The following LSM14B variants were observed in gnomAD, a reference collection of about 807,000 sequenced individuals.
LSM14B encodes protein LSM14 homolog B.
A neutral mutation model predicts 42.1 loss-of-function variants in LSM14B; 8 were observed. The observed-to-expected ratio is 0.19, with a 90% CI of 0.11 to 0.34. The LOEUF (loss-of-function observed/expected upper bound fraction) is 0.34, where lower values mean the gene tolerates loss of function less well. Among genes scored for constraint, LSM14B ranks in the 10% least tolerant of loss-of-function variants. The pLI is 1.00. For missense variants in LSM14B, 396 were observed against 513.1 expected (o/e 0.77, Z 2.21); for synonymous variants, 219 against 209.7 (o/e 1.04, Z -0.38).
intron 2 of LSM14B, 146 bp from the exon 3 acceptor site, chr20:62,126,158 A>T (rs2056593915): frequency 2.6e-6 from 3 of 1,143,918 alleles, no homozygotes; most frequent in Non-Finnish European, 3.8e-6. Flanking sequence ...CATACTGGAA[A>T]CTTGCACCCC....
At position 62,122,541 on chromosome 20, in the gene LSM14B, C is replaced by G. The variant is rs2056430652; in HGVS notation, c.-126C>G. On this transcript the variant is annotated 5_prime_UTR_variant, in exon 1 of 9. Transcript: ENST00000279068. The surrounding 1 kb of genome is among the most constrained non-coding windows in gnomAD (Gnocchi z 4.6). ...CCCCTCGGGCGGTGGCGAGGAGGCG[C>G]CCAGGCGGAGGCGGCGGCGGGCGGA... is the stretch of plus-strand genomic sequence containing the variant. The G allele has an allele frequency of 1.4e-6, 1 of 703,666 alleles. No individual in the cohort carries two copies. The highest frequency in any genetic ancestry group is 1.9e-5 in the African/African-American group (1 of 51,376). The allele number at this position is 703,666 out of a possible 1,614,324, so 43.6% of individuals were successfully genotyped here.
Position 62,130,443 on chromosome 20 carries a change from G to C in LSM14B, c.674-87G>C, listed in dbSNP as rs1600940031. 8 of 1,554,836 alleles carry C rather than the reference G, an allele frequency of 5.1e-6. No homozygotes were observed. Among genetic ancestry groups the C allele is most frequent in the Non-Finnish European group, 6.1e-6 (7 of 1,146,076 alleles). On this transcript the variant is annotated intron_variant, in intron 5 of 8. Coordinates refer to ENST00000279068, the MANE Select transcript of LSM14B (RefSeq NM_144703.3). This position sits in a 1 kb window ranked among gnomAD's most constrained non-coding sequence, Gnocchi z 4.1. ...GTGCTCTGTTCCTTCTGTGGCCTTG[G>C]GGGTGTGCCTGGAAATTCCTTGTGA...
chr20:62,124,283 C>T (rs912265), intron 1 of LSM14B, among the ~76,000 whole-genome samples: 147,519 of 152,352 alleles, frequency 0.97, 71,630 homozygotes, highest in East Asian at 1. Context: ...CAGAGTCAAA[C>T]GTGAACAGGG....
Position 62,131,380 on chromosome 20 carries a change from A to G in LSM14B, c.860A>G (p.Glu287Gly), listed in dbSNP as rs2145634335. The change falls in exon 7 of 9, where the codon GAG becomes GGG. Residue 287 changes from glutamate (E) to glycine (G), a missense_variant. Glu to Gly is a moderately conservative substitution (Grantham distance 98, BLOSUM62 -2). Coordinates refer to ENST00000279068, the MANE Select transcript of LSM14B (RefSeq NM_144703.3). Reference sequence around the variant, plus strand: ...GATGACAAGGCTGAGAAGGGGGAAGAGAAGGACCTGGCTGTGGTGACCCAG... The same window carrying G: ...GATGACAAGGCTGAGAAGGGGGAAGGGAAGGACCTGGCTGTGGTGACCCAG... ...FKDDKAEKGE[E>G]KDLAVVTQSA... is the part of the protein sequence containing the mutation. 3.1e-6 allele frequency: 5 copies of G among 1,606,924 alleles called. No individual in the cohort carries two copies. Among genetic ancestry groups the G allele is most frequent in the Non-Finnish European group, 8.5e-7 (1 of 1,176,192 alleles).
Position 62,122,736 on chromosome 20 carries a change from T to C in LSM14B, c.70T>C (p.Tyr24His). The change falls in exon 1 of 9, where the codon TAC becomes CAC. Residue 24 changes from tyrosine (Y) to histidine (H), a missense_variant. Transcript: ENST00000279068. The surrounding 1 kb of genome is among the most constrained non-coding windows in gnomAD (Gnocchi z 4.6). ...CCTCATCTCCAAGGCGCAGATCCGCTACGAGGGCATTCTCTACACCATCGA... is the reference window on the plus strand; with the variant it reads ...CCTCATCTCCAAGGCGCAGATCCGCCACGAGGGCATTCTCTACACCATCGA... ...ISLISKAQIR[Y>H]EGILYTIDTD... The C allele has an allele frequency of 6.6e-7, 1 of 1,525,906 alleles. No homozygotes were observed. Among genetic ancestry groups the C allele is most frequent in the Admixed American group, 1.9e-5 (1 of 51,908 alleles). 94.5% of individuals were successfully genotyped at this position (1,525,906 alleles called of 1,614,324 possible). A position where few individuals can be genotyped will look rare whatever the true frequency, so the allele number is the denominator to read the frequency against.
chr20:62,124,889 T>TC, intron 2 of LSM14B, 109 bp downstream of exon 2: 1 of 1,249,678 alleles, frequency 8.0e-7, no homozygotes, highest in Non-Finnish European at 1.1e-6. Context: ...AACCTTTTTT[T>TC]TTTTTTCTTT....
Position 62,126,300 on chromosome 20 carries a change from T to A in LSM14B, c.292-4T>A. On this transcript the variant is annotated splice_region_variant and splice_polypyrimidine_tract_variant and intron_variant, in intron 2 of 8. Transcript: ENST00000279068. ...CCGTTCTCACCCGATGTCTCGTTGT[T>A]CAGTCTTCCCTGGGTTCTGCCTCCG... is the stretch of plus-strand genomic sequence containing the variant. 6.2e-7 allele frequency: 1 copy of A among 1,613,976 alleles called. No individual in the cohort carries two copies.
chr20:62,123,739 T>G (rs898182534), intron 1 of LSM14B, among the ~76,000 whole-genome samples: 2 of 152,218 alleles, frequency 1.3e-5, no homozygotes, highest in Non-Finnish European at 2.9e-5. Context: ...AAACGCTGCT[T>G]AGGTCACAGG....
intron 6 of LSM14B, 76 bp from the exon 7 acceptor site, chr20:62,131,280 C>G (rs2056758194): frequency 6.7e-7 from 1 of 1,499,296 alleles, no homozygotes; most frequent in African/African-American, 1.4e-5. Context: ...CCGAGTGAGC[C>G]CGGAGGGACC....
intron 2 of LSM14B, 114 bp from the exon 3 acceptor site, chr20:62,126,190 A>G (rs763921198): frequency 2.7e-6 from 4 of 1,508,180 alleles, no homozygotes; most frequent in South Asian, 2.4e-5. Flanking sequence ...CAGCATCTCA[A>G]GGGTGCAGGC....
intron 3 of LSM14B, chr20:62,127,680 C>T: frequency 6.4e-7 from 1 of 1,550,752 alleles, no homozygotes; most frequent in Admixed American, 2.0e-5. Flanking sequence ...GTCCTCAGAG[C>T]CACAGCAGCT....
At chr20:62,124,177 A>G (rs142021942) in intron 1 of LSM14B, among the ~76,000 whole-genome samples, 108 of 152,354 alleles carry the variant, frequency 7.1e-4, no homozygotes, top group Middle Eastern at 3.4e-3. Context: ...GGTAAGGGCA[A>G]CACTCGTCTA....
At chr20:62,131,779 C>T (rs1036276445) in intron 7 of LSM14B, among the ~76,000 whole-genome samples, 6 of 152,242 alleles carry the variant, frequency 3.9e-5, no homozygotes, top group Non-Finnish European at 7.3e-5. Flanking sequence ...GCACCGCCCC[C>T]CCCGGCAGAC....
In LSM14B at chr20:62,134,156, C is replaced by T; in HGVS notation, c.*15-7C>T. 1 of 453,544 alleles carries T rather than the reference C, an allele frequency of 2.2e-6. No homozygotes were observed. Among genetic ancestry groups the T allele is most frequent in the Non-Finnish European group, 4.6e-6 (1 of 218,242 alleles). 28.1% of individuals were successfully genotyped at this position (453,544 alleles called of 1,614,324 possible). On this transcript the variant is annotated splice_region_variant and splice_polypyrimidine_tract_variant and intron_variant, in intron 8 of 8. Transcript: ENST00000279068. ...GCAGATGCTTGACTTCCTGTCATCT[C>T]TTGCAGGCTCCTACTGAAGTGGCGC...
chr20:62,130,706 A>G lies in LSM14B; in HGVS notation c.835+15A>G, dbSNP rs1286525689. On this transcript the variant is annotated intron_variant, in intron 6 of 8. Transcript: ENST00000279068. The surrounding 1 kb of genome is among the most constrained non-coding windows in gnomAD (Gnocchi z 4.1). ...GAATTTTAAAGGTTTGGCTCATTAT[A>G]TGAAAATTATTCTCTGCACAGGAGT... is the stretch of plus-strand genomic sequence containing the variant. 6.2e-7 allele frequency: 1 copy of G among 1,611,402 alleles called. No homozygotes were observed. Among genetic ancestry groups the G allele is most frequent in the African/African-American group, 1.3e-5 (1 of 74,784 alleles).
At chr20:62,132,352 C>A (rs967930793) in intron 7 of LSM14B, among the ~76,000 whole-genome samples, 7 of 152,284 alleles carry the variant, frequency 4.6e-5, no homozygotes, top group South Asian at 4.1e-4. Context: ...GCTTTTGTTC[C>A]AAGTGCCGCG....
chr20:62,127,399 G>T (rs1398924557), intron 3 of LSM14B, among the ~76,000 whole-genome samples: 1 of 152,232 alleles, frequency 6.6e-6, no homozygotes, highest in African/African-American at 2.4e-5. Flanking sequence ...ATGCTTGCTT[G>T]GTTGCTATTC....
At chr20:62,129,651 C>T in intron 3 of LSM14B, 134 bp from the exon 4 acceptor site, 1 of 1,023,600 alleles carries the variant, frequency 9.8e-7, no homozygotes, top group Non-Finnish European at 1.4e-6. Context: ...GGGTGCTTTG[C>T]CTGGATTTGA....
Position 62,124,732 on chromosome 20 carries a change from A to G in LSM14B, c.243A>G (p.Glu81=). 1 of 1,613,520 alleles carries G rather than the reference A, an allele frequency of 6.2e-7. No individual in the cohort carries two copies. Among genetic ancestry groups the G allele is most frequent in the Non-Finnish European group, 8.5e-7 (1 of 1,179,826 alleles). Reference sequence around the variant, plus strand: ...ACATCAAGGATATCACTGTGTGTGAACCTCCGAAAGCTCAGCACACACTCC... The same window carrying G: ...ACATCAAGGATATCACTGTGTGTGAGCCTCCGAAAGCTCAGCACACACTCC... ...GSDIKDITVC[E]PPKAQHTLPQ... The change falls in exon 2 of 9, where the codon GAA becomes GAG. Residue 81 remains glutamate (E), a synonymous_variant. Coordinates refer to ENST00000279068, the MANE Select transcript of LSM14B (RefSeq NM_144703.3).
Sources: gnomAD v4.1 joint callset for allele counts (sites outside exome capture counted in the v4.1 genomes callset) on GRCh38, gnomAD v4.1.1 for gene constraint, Gnocchi (gnomAD v3.1) non-coding constraint, MANE v1.5 for transcripts, NCBI Gene and HGNC (gene_info 2026-07-23, HGNC 2026-07-21) for gene names.